PKIG: variants seen among roughly 807,000 people sequenced by gnomAD.
The protein encoded by PKIG is cAMP-dependent protein kinase inhibitor gamma, also known as protein kinase (cAMP-dependent, catalytic) inhibitor gamma.
Under a neutral mutation model 6.8 loss-of-function variants are expected in PKIG, and 1 was observed. That is an observed-to-expected ratio of 0.15 (90% confidence interval 0.05 to 0.69). The LOEUF (loss-of-function observed/expected upper bound fraction) is 0.69, where lower values mean the gene tolerates loss of function less well. Among genes scored for constraint, PKIG ranks in the 30% least tolerant of loss-of-function variants. The pLI is 0.82. For synonymous variants in PKIG, 39 were observed against 43.0 expected (o/e 0.91, Z 0.36); for missense variants, 77 against 104.0 (o/e 0.74, Z 1.13).
intron 3 of PKIG, among the ~76,000 whole-genome samples, chr20:44,617,518 C>G (rs973642264): frequency 6.6e-6 from 1 of 152,012 alleles, no homozygotes; most frequent in Non-Finnish European, 1.5e-5. Context: ...CAGGGGGGCT[C>G]AAGGGAAGCT....
At chr20:44,588,470 C>T (rs781123037) in intron 1 of PKIG, among the ~76,000 whole-genome samples, 1 of 151,592 alleles carries the variant, frequency 6.6e-6, no homozygotes, top group Non-Finnish European at 1.5e-5. Context: ...GGTGAAACCC[C>T]GTCTGTACTA....
chr20:44,609,984 A>C (rs2065199538), intron 2 of PKIG, among the ~76,000 whole-genome samples: 1 of 152,194 alleles, frequency 6.6e-6, no homozygotes, highest in Non-Finnish European at 1.5e-5. Flanking sequence ...TGTTATTATC[A>C]TAAGCCATTT....
rs73615478 is a variant in PKIG, at chr20:44,547,600, C to T, written c.-241+15622C>T. 6.0e-3 allele frequency among the ~76,000 whole-genome samples: 919 copies of T among 152,254 alleles called. 11 individuals are homozygous for T. In the East Asian group the frequency reaches 0.064, roughly 11 times the overall value. On this transcript the variant is annotated intron_variant, in intron 1 of 4. Coordinates refer to the PKIG transcript ENST00000372887. ...GGTGAGTACAGCCTAAGTGCTCCCA[C>T]CACCATTACTATCACTCCTGCGTAG...
At chr20:44,568,597 C>A (rs1386565567) in intron 1 of PKIG, among the ~76,000 whole-genome samples, 1 of 151,952 alleles carries the variant, frequency 6.6e-6, no homozygotes, top group East Asian at 1.9e-4. Flanking sequence ...ATTACAGGCA[C>A]CTGCCACCGC....
rs769979938 is a variant in PKIG at position 44,618,327 on chromosome 20, AC to A, written c.196del (p.Gln66SerfsTer42). On this transcript the variant is annotated frameshift_variant, in exon 4 of 4. Coordinates refer to ENST00000372886, the MANE Select transcript of PKIG (RefSeq NM_001281445.2). LOFTEE classifies it high-confidence loss of function. ...EGSAPDKEAGNQPQSSDGTTS... is the reference protein window; with the variant it reads ...EGSAPDKEAGXQPQSSDGTTS... ...AGCGCCCCAGACAAGGAAGCTGGCA[AC>A]CAGCCCCAGAGCAGCGATGGGACCA... is the stretch of plus-strand genomic sequence containing the variant. 6.2e-7 allele frequency: 1 copy of A among 1,613,730 alleles called. No individual in the cohort carries two copies. Among genetic ancestry groups the A allele is most frequent in the Non-Finnish European group, 8.5e-7 (1 of 1,179,610 alleles).
At chr20:44,548,644 A>G (rs2123182769) in intron 1 of PKIG, among the ~76,000 whole-genome samples, 1 of 152,204 alleles carries the variant, frequency 6.6e-6, no homozygotes, top group South Asian at 2.1e-4. Context: ...TATAAACAGC[A>G]TCTTTATTTG....
At chr20:44,609,445 C>A (rs1427890554) in intron 2 of PKIG, among the ~76,000 whole-genome samples, 1 of 152,216 alleles carries the variant, frequency 6.6e-6, no homozygotes, top group African/African-American at 2.4e-5. Flanking sequence ...CACGGAGGCC[C>A]TTCTCAACAG....
At chr20:44,577,487 G>T (rs1006313495) in intron 1 of PKIG, among the ~76,000 whole-genome samples, 6 of 152,128 alleles carry the variant, frequency 3.9e-5, no homozygotes, top group Non-Finnish European at 7.4e-5. Flanking sequence ...CTTACACCAG[G>T]ATTGTGGTGA....
intron 2 of PKIG, among the ~76,000 whole-genome samples, chr20:44,599,466 G>T (rs1172230606): frequency 6.6e-6 from 1 of 152,206 alleles, no homozygotes; most frequent in African/African-American, 2.4e-5. Flanking sequence ...GCTCAAGCCT[G>T]CAGTCCCAGC....
At chr20:44,596,855 A>G (rs972089027) in intron 2 of PKIG, among the ~76,000 whole-genome samples, 1 of 152,192 alleles carries the variant, frequency 6.6e-6, no homozygotes, top group African/African-American at 2.4e-5. Context: ...TATTAAGGGT[A>G]AAATCAAAGT....
intron 2 of PKIG, among the ~76,000 whole-genome samples, chr20:44,596,440 G>A (rs1568828074): frequency 6.6e-6 from 1 of 152,184 alleles, no homozygotes; most frequent in African/African-American, 2.4e-5. Context: ...TGGGGGGAGG[G>A]CTGGAATACT....
chr20:44,615,525 T>G (rs1484574838), intron 3 of PKIG, among the ~76,000 whole-genome samples: 9 of 137,386 alleles, frequency 6.6e-5, no homozygotes, highest in South Asian at 2.5e-4. Context: ...ACCCCCTCCA[T>G]TCCCCCAGAG....
chr20:44,584,401 G>T (rs534563158), intron 1 of PKIG, among the ~76,000 whole-genome samples: 1 of 147,164 alleles, frequency 6.8e-6, no homozygotes, highest in Non-Finnish European at 1.5e-5. Flanking sequence ...GAAGAAGGGG[G>T]AAAATCCCTC....
intron 1 of PKIG, among the ~76,000 whole-genome samples, chr20:44,549,535 C>T (rs536372159): frequency 3.6e-4 from 55 of 152,278 alleles, no homozygotes; most frequent in Non-Finnish European, 7.1e-4. Flanking sequence ...ATTTAAACTT[C>T]CATTTAAGGC....
chr20:44,607,987 T>C (rs2065182335), intron 2 of PKIG, among the ~76,000 whole-genome samples: 1 of 142,604 alleles, frequency 7.0e-6, no homozygotes, highest in Admixed American at 6.9e-5. Context: ...TGAGCCACCA[T>C]GCCCGGCCAA....
rs546087137 is a variant in PKIG, at chr20:44,617,036, C to T, written c.152-1249C>T. ...TAGCCTTGGTGGCAGGCAGGGCTCT[C>T]CACCCTTGATCCAGGCAAATCAGCT... On this transcript the variant is annotated intron_variant, in intron 3 of 3. Coordinates refer to ENST00000372886, the MANE Select transcript of PKIG (RefSeq NM_001281445.2). 3.3e-5 allele frequency among the ~76,000 whole-genome samples: 5 copies of T among 152,310 alleles called. No homozygotes were observed. In the East Asian group the frequency reaches 9.7e-4, roughly 29 times the overall value.
chr20:44,597,948 G>A (rs1379283463), intron 2 of PKIG, among the ~76,000 whole-genome samples: 3 of 152,204 alleles, frequency 2.0e-5, no homozygotes, highest in Non-Finnish European at 4.4e-5. Flanking sequence ...CTGTTACTCA[G>A]TGGTTTAAAA....
At chr20:44,588,274 G>A (rs1032233263) in intron 1 of PKIG, among the ~76,000 whole-genome samples, 1 of 152,332 alleles carries the variant, frequency 6.6e-6, no homozygotes, top group Admixed American at 6.5e-5. Context: ...AAATGGTGGC[G>A]TTAAGAAGTC....
In PKIG at chr20:44,555,227, TAAAC is replaced by T. The variant is rs1028573323; in HGVS notation, c.-241+23255_-241+23258del. Among the ~76,000 whole-genome samples, 4 of 152,206 alleles carry T rather than the reference TAAAC, an allele frequency of 2.6e-5. No individual in the cohort carries two copies. The South Asian group carries it at 6.2e-4, about 24-fold the overall frequency. On this transcript the variant is annotated intron_variant, in intron 1 of 4. Coordinates refer to the PKIG transcript ENST00000372887. The stretch of plus-strand genomic sequence containing the variant: ...TTAATTTCAATTGAAAACAAACAAG[TAAAC>T]AAACATGAAAATGTATTGAGAGATG...
Sources: gnomAD v4.1 joint callset for allele counts (sites outside exome capture counted in the v4.1 genomes callset) on GRCh38, gnomAD v4.1.1 for gene constraint, MANE v1.5 for transcripts, NCBI Gene and HGNC (gene_info 2026-07-23, HGNC 2026-07-21) for gene names.